Variants in CPA3 observed in about 807,000 individuals in gnomAD.
CPA3 encodes mast cell carboxypeptidase A.
A neutral mutation model predicts 55.8 loss-of-function variants in CPA3; 52 were observed. The observed-to-expected ratio is 0.93, with a 90% confidence interval of 0.75 to 1.17. The LOEUF (loss-of-function observed/expected upper bound fraction) is 1.17. CPA3 is among the 50% of genes most tolerant of loss of function. CPA3 has a pLI of 0.00. For missense variants in CPA3, 547 were observed against 509.1 expected (o/e 1.07, Z -0.72); for synonymous variants, 179 against 171.2 (o/e 1.05, Z -0.36).
rs201401969 is a variant in CPA3, at chr3:148,879,914, T to C, written c.576+25T>C. On this transcript the variant is annotated intron_variant, in intron 6 of 10. Coordinates refer to ENST00000296046, the MANE Select transcript of CPA3 (RefSeq NM_001870.4). ...GGTAAGTGAATCAGAAGACTCCCAA[T>C]TCTCCTTTGACTGCCAAGTCTCCAG... The C allele has an allele frequency of 1.8e-4, 264 of 1,507,754 alleles. 2 individuals are homozygous for C. The East Asian group carries it at 5.9e-3, about 34-fold the overall frequency. The allele number at this position is 1,507,754 out of a possible 1,614,324, so 93.4% of individuals were successfully genotyped here.
intron 3 of CPA3, among the ~76,000 whole-genome samples, chr3:148,876,532 A>T (rs1714210076): frequency 6.6e-6 from 1 of 152,026 alleles, no homozygotes; most frequent in Admixed American, 6.6e-5. Flanking sequence ...GCCCACTACC[A>T]CACCTGGCTA....
At chr3:148,877,159 C>A (rs1416331828) in intron 3 of CPA3, among the ~76,000 whole-genome samples, 1 of 152,142 alleles carries the variant, frequency 6.6e-6, no homozygotes, top group Non-Finnish European at 1.5e-5. Flanking sequence ...AGCCACTGGA[C>A]TCCATAAAAT....
In CPA3 at chr3:148,893,163, C is replaced by G. The variant is rs150494657; in HGVS notation, c.1067-3357C>G. On this transcript the variant is annotated intron_variant, in intron 10 of 10. Transcript: ENST00000296046. ...AACAAGAAAAATTACAGCTTGAATA[C>G]AAAAAGATAATCCACAGATGCCAAC... 6.7e-3 allele frequency among the ~76,000 whole-genome samples: 1,019 copies of G among 151,166 alleles called. 17 individuals are homozygous for G. Among genetic ancestry groups the G allele is most frequent in the African/African-American group, 0.023 (967 of 41,202 alleles).
Position 148,879,787 on chromosome 3 carries a change from G to A in CPA3, c.475-1G>A. 6.3e-7 allele frequency: 1 copy of A among 1,595,642 alleles called. No homozygotes were observed. Among genetic ancestry groups the A allele is most frequent in the Non-Finnish European group, 8.6e-7 (1 of 1,163,422 alleles). On this transcript the variant is annotated splice_acceptor_variant, in intron 5 of 10. Transcript: ENST00000296046. LOFTEE classifies it high-confidence loss of function. The stretch of plus-strand genomic sequence containing the variant: ...AATATCTCAAGTTTACTTTTAAATA[G>A]ATTGGGGAAAAGAATGAAAGAAGAA...
At position 148,883,829 on chromosome 3, in the gene CPA3, A is replaced by C; in HGVS notation, c.981+14A>C. On this transcript the variant is annotated intron_variant, in intron 9 of 10. Transcript: ENST00000296046. ...CATGAGGACTTGGTACGTAGACAAA[A>C]GTTTGCACTTCATGCATCGACAATA... 1 of 1,595,484 alleles carries C rather than the reference A, an allele frequency of 6.3e-7. No individual in the cohort carries two copies. Among genetic ancestry groups the C allele is most frequent in the Non-Finnish European group, 8.6e-7 (1 of 1,163,120 alleles).
At chr3:148,894,109 T>G (rs1435833316) in intron 10 of CPA3, among the ~76,000 whole-genome samples, 1 of 152,172 alleles carries the variant, frequency 6.6e-6, no homozygotes, top group African/African-American at 2.4e-5. Flanking sequence ...TATAAATAAA[T>G]AAATTAAATA....
intron 3 of CPA3, among the ~76,000 whole-genome samples, chr3:148,876,211 TA>T (rs1714198665): frequency 6.6e-6 from 1 of 151,398 alleles, no homozygotes; most frequent in Admixed American, 6.6e-5. Flanking sequence ...AAAATATATA[TA>T]TATATAAATA....
At position 148,886,183 on chromosome 3, in the gene CPA3, T is replaced by C; in HGVS notation, c.1066+6T>C. 2 of 1,587,370 alleles carry C rather than the reference T, an allele frequency of 1.3e-6. No individual in the cohort carries two copies. Among genetic ancestry groups the C allele is most frequent in the Non-Finnish European group, 1.7e-6 (2 of 1,158,472 alleles). On this transcript the variant is annotated splice_donor_region_variant and intron_variant, in intron 10 of 10. Coordinates refer to ENST00000296046, the MANE Select transcript of CPA3 (RefSeq NM_001870.4). ...CCCAATAGAATCAACAATTTGTAAGTCATTCCTCTTATTTACTGAGCCCTT... is the reference window on the plus strand; with the variant it reads ...CCCAATAGAATCAACAATTTGTAAGCCATTCCTCTTATTTACTGAGCCCTT...
chr3:148,878,774 T>C (rs751872495), intron 5 of CPA3, 26 bp downstream of exon 5: 2 of 1,303,472 alleles, frequency 1.5e-6, no homozygotes, highest in Middle Eastern at 4.1e-4. Flanking sequence ...GAACCACTAA[T>C]TCTTATTACT....
At chr3:148,880,054 T>C (rs1714321098) in intron 6 of CPA3, among the ~76,000 whole-genome samples, 165 bp downstream of exon 6, 1 of 152,214 alleles carries the variant, frequency 6.6e-6, no homozygotes, top group Admixed American at 6.5e-5. Context: ...ATTACAGTTT[T>C]TATGAAATTG....
At chr3:148,866,993 T>A (rs1385754343) in intron 2 of CPA3, among the ~76,000 whole-genome samples, 1 of 152,078 alleles carries the variant, frequency 6.6e-6, no homozygotes, top group Non-Finnish European at 1.5e-5. Flanking sequence ...TGACCTCAAG[T>A]GATCCACCCG....
At chr3:148,896,315 A>T (rs1273144903) in intron 10 of CPA3, among the ~76,000 whole-genome samples, 1 of 152,188 alleles carries the variant, frequency 6.6e-6, no homozygotes. Context: ...TAATTTTTTA[A>T]ACGCAGCACA....
rs749726492 is a variant in CPA3, at chr3:148,886,144, C to T, written c.1033C>T (p.Arg345Cys). The change falls in exon 10 of 11, where the codon CGC (arginine) becomes TGC (cysteine). Residue 345 changes from arginine to cysteine, a missense_variant. Transcript: ENST00000296046. ...TDVLSTRYETRYIYGPIESTI... is the reference protein window; with the variant it reads ...TDVLSTRYETCYIYGPIESTI... Reference sequence around the variant, plus strand: ...TGTTCTATCAACTCGATATGAAACCCGCTACATCTATGGCCCAATAGAATC... The same window carrying T: ...TGTTCTATCAACTCGATATGAAACCTGCTACATCTATGGCCCAATAGAATC... 2.2e-5 allele frequency: 35 copies of T among 1,613,320 alleles called. No individual in the cohort carries two copies. The East Asian group carries it at 3.3e-4, about 15-fold the overall frequency.
At chr3:148,889,020 G>A (rs922453004) in intron 10 of CPA3, among the ~76,000 whole-genome samples, 1 of 152,128 alleles carries the variant, frequency 6.6e-6, no homozygotes, top group African/African-American at 2.4e-5. Context: ...AGTCAAGAGG[G>A]ATTACTATTC....
chr3:148,879,886 T>C lies in CPA3; in HGVS notation c.573T>C (p.Tyr191=), dbSNP rs751608540. 1.9e-5 allele frequency: 30 copies of C among 1,607,898 alleles called. No homozygotes were observed. The highest frequency in any genetic ancestry group is 2.6e-5 in the Non-Finnish European group (30 of 1,174,572). Residue 191 remains tyrosine, a synonymous_variant, in exon 6 of 11, where the codon TAT becomes TAC. Coordinates refer to ENST00000296046, the MANE Select transcript of CPA3 (RefSeq NM_001870.4). ...CAGCATTCTGCCAGTGGTTTGTCTATCAGGTAAGTGAATCAGAAGACTCCC... is the reference window on the plus strand; with the variant it reads ...CAGCATTCTGCCAGTGGTTTGTCTACCAGGTAAGTGAATCAGAAGACTCCC... ...VSPAFCQWFV[Y]QATKTYGRNK...
Position 148,896,936 on chromosome 3 carries a change from T to C in CPA3, c.*229T>C, listed in dbSNP as rs1393150587. ...ACCTTTCTTTGCTCCAAGTGAAGTT[T>C]GGACCCAGCAGAAAGCATTATTTTG... On this transcript the variant is annotated 3_prime_UTR_variant, in exon 11 of 11. Coordinates refer to ENST00000296046, the MANE Select transcript of CPA3 (RefSeq NM_001870.4). 2.0e-5 allele frequency: 7 copies of C among 358,852 alleles called. No homozygotes were observed. The highest frequency in any genetic ancestry group is 3.0e-5 in the Non-Finnish European group (6 of 199,086). The allele number at this position is 358,852 out of a possible 1,614,324, so 22.2% of individuals were successfully genotyped here. A position where few individuals can be genotyped will look rare whatever the true frequency, so the allele number is the denominator to read the frequency against.
intron 10 of CPA3, among the ~76,000 whole-genome samples, chr3:148,887,152 C>A (rs2108037909): frequency 6.6e-6 from 1 of 152,088 alleles, no homozygotes; most frequent in Admixed American, 6.5e-5. Flanking sequence ...TAGTAAATAG[C>A]TTTGGCTTTG....
intron 10 of CPA3, among the ~76,000 whole-genome samples, chr3:148,889,647 G>A (rs143863928): frequency 7.6e-4 from 115 of 151,972 alleles, no homozygotes; most frequent in African/African-American, 2.3e-3. Context: ...TGAGGAGGGC[G>A]GATCACAAGG....
intron 3 of CPA3, among the ~76,000 whole-genome samples, chr3:148,871,260 C>T (rs1368059809): frequency 6.6e-6 from 1 of 152,174 alleles, no homozygotes; most frequent in Non-Finnish European, 1.5e-5. Context: ...TAATATAGAC[C>T]TGGTCTGGAT....
Sources: gnomAD v4.1 joint callset for allele counts (sites outside exome capture counted in the v4.1 genomes callset) on GRCh38, gnomAD v4.1.1 for gene constraint, MANE v1.5 for transcripts, NCBI Gene and HGNC (gene_info 2026-07-23, HGNC 2026-07-21) for gene names.